LINGO2: variants seen among roughly 807,000 people sequenced by gnomAD.
The protein encoded by LINGO2 is leucine rich repeat and Ig domain containing 2, also known as leucine-rich repeat and immunoglobulin-like domain-containing nogo receptor-interacting protein 2.
Under a neutral mutation model 30.6 loss-of-function variants are expected in LINGO2, and 14 were observed. That is an observed-to-expected ratio of 0.46 (90% confidence interval 0.30 to 0.72). The LOEUF is 0.72. LINGO2 is among the 30% of genes least tolerant of loss of function. LINGO2 has a pLI of 0.07. For missense variants in LINGO2, 729 were observed against 751.7 expected, an observed-to-expected ratio of 0.97 and a Z score of 0.35; for synonymous variants, 317 against 288.5, an observed-to-expected ratio of 1.10 and a Z score of -1.00.
chr9:28,126,461 A>T (rs1476227375), intron 4 of LINGO2, among the ~76,000 whole-genome samples: 1 of 152,202 alleles, frequency 6.6e-6, no homozygotes, highest in Non-Finnish European at 1.5e-5. Flanking sequence ...TCTTGTAGGG[A>T]ATCTCCCAAA....
chr9:28,552,448 T>C (rs1822346320), intron 1 of LINGO2, among the ~76,000 whole-genome samples: 1 of 152,168 alleles, frequency 6.6e-6, no homozygotes, highest in East Asian at 1.9e-4. Flanking sequence ...CTTGGTCTTA[T>C]TGTTTACTAG....
chr9:29,037,229 G>C, the LINGO2 span, among the ~76,000 whole-genome samples: 1 of 151,782 alleles, frequency 6.6e-6, no homozygotes, highest in Non-Finnish European at 1.5e-5. Context: ...TTAATGATGA[G>C]ACTCCTTAAT....
At chr9:28,935,667 T>C in the LINGO2 span, among the ~76,000 whole-genome samples, 1 of 150,712 alleles carries the variant, frequency 6.6e-6, no homozygotes, top group Non-Finnish European at 1.5e-5. Context: ...ATATATGTTA[T>C]AGAGTCATAA....
the LINGO2 span, among the ~76,000 whole-genome samples, chr9:28,676,787 A>G: frequency 3.9e-5 from 6 of 152,158 alleles, no homozygotes; most frequent in Non-Finnish European, 5.9e-5. Context: ...CCCAAGAGTG[A>G]AAGCCATACA....
chr9:28,594,336 T>A (rs1245332054), intron 1 of LINGO2, among the ~76,000 whole-genome samples: 1 of 152,098 alleles, frequency 6.6e-6, no homozygotes, highest in Non-Finnish European at 1.5e-5. Flanking sequence ...TTTGCCAAAA[T>A]TATCATGGTT....
chr9:28,320,598 G>A (rs1236575845), intron 3 of LINGO2, among the ~76,000 whole-genome samples: 1 of 152,154 alleles, frequency 6.6e-6, no homozygotes, highest in African/African-American at 2.4e-5. Flanking sequence ...TAGGGATGGG[G>A]TCAGGAATAT....
the LINGO2 span, among the ~76,000 whole-genome samples, chr9:28,875,717 T>C: frequency 2.6e-5 from 4 of 152,140 alleles, no homozygotes; most frequent in Non-Finnish European, 5.9e-5. Context: ...TGTCTGCTTG[T>C]TTCCTTTTTA....
intron 1 of LINGO2, among the ~76,000 whole-genome samples, chr9:28,509,063 C>T (rs185094373): frequency 1.3e-5 from 2 of 152,208 alleles, no homozygotes; most frequent in East Asian, 3.9e-4. Flanking sequence ...TTATACTTCT[C>T]CCAACCTGGA....
At chr9:28,684,055 T>G in the LINGO2 span, among the ~76,000 whole-genome samples, 1 of 152,004 alleles carries the variant, frequency 6.6e-6, no homozygotes, top group Non-Finnish European at 1.5e-5. Flanking sequence ...CAATATTTTT[T>G]GCAAAAAATG....
At chr9:28,795,467 G>A in the LINGO2 span, among the ~76,000 whole-genome samples, 1 of 151,988 alleles carries the variant, frequency 6.6e-6, no homozygotes, top group Non-Finnish European at 1.5e-5. Context: ...CTGAAGGGGG[G>A]AAATATAACA....
the LINGO2 span, among the ~76,000 whole-genome samples, chr9:28,883,803 G>A: frequency 6.7e-6 from 1 of 149,528 alleles, no homozygotes; most frequent in African/African-American, 2.5e-5. Flanking sequence ...TCAGCCTCCC[G>A]AGTAGCTGGG....
the LINGO2 span, among the ~76,000 whole-genome samples, chr9:29,014,686 G>C: frequency 6.6e-6 from 1 of 152,118 alleles, no homozygotes; most frequent in Non-Finnish European, 1.5e-5. Context: ...ACTACACTTA[G>C]ATATAACAAA....
the LINGO2 span, among the ~76,000 whole-genome samples, chr9:29,125,332 C>T: frequency 1.2e-4 from 19 of 152,048 alleles, no homozygotes; most frequent in South Asian, 3.3e-3. Context: ...ACCTAGATGA[C>T]GTGTTGATAG....
intron 4 of LINGO2, among the ~76,000 whole-genome samples, chr9:28,123,978 A>G (rs1037927940): frequency 6.6e-6 from 1 of 152,114 alleles, no homozygotes; most frequent in Non-Finnish European, 1.5e-5. Context: ...TTTAATTCTT[A>G]TATGGAAAAA....
intron 4 of LINGO2, among the ~76,000 whole-genome samples, chr9:28,250,874 C>A (rs1282445326): frequency 6.6e-6 from 1 of 152,064 alleles, no homozygotes; most frequent in Non-Finnish European, 1.5e-5. Flanking sequence ...AATGAGGCCA[C>A]TTCCACCTTG....
intron 1 of LINGO2, among the ~76,000 whole-genome samples, chr9:28,596,201 T>C (rs909606616): frequency 6.6e-6 from 1 of 152,144 alleles, no homozygotes; most frequent in Non-Finnish European, 1.5e-5. Flanking sequence ...TAATATATGA[T>C]ACAGAGGTGC....
At chr9:29,195,323 A>T in the LINGO2 span, among the ~76,000 whole-genome samples, 5 of 151,170 alleles carry the variant, frequency 3.3e-5, no homozygotes, top group African/African-American at 1.2e-4. Flanking sequence ...TCATAAAGAA[A>T]TCTGTAATTA....
At chr9:28,544,350 C>T (rs978292469) in intron 1 of LINGO2, among the ~76,000 whole-genome samples, 1 of 152,134 alleles carries the variant, frequency 6.6e-6, no homozygotes, top group Non-Finnish European at 1.5e-5. Context: ...ATCTGGAAAT[C>T]ATACCTGTAA....
chr9:28,783,799 G>T, the LINGO2 span, among the ~76,000 whole-genome samples: 1 of 152,148 alleles, frequency 6.6e-6, no homozygotes, highest in Non-Finnish European at 1.5e-5. Context: ...TTAAATAGTA[G>T]AAATTTATTT....
Sources: allele counts gnomAD v4.1 joint callset (sites outside exome capture counted in the v4.1 genomes callset), GRCh38; gene constraint gnomAD v4.1.1; transcripts MANE v1.5; gene names NCBI Gene and HGNC (gene_info 2026-07-23, HGNC 2026-07-21).